The following CPT1A variants were observed in gnomAD, a reference collection of about 807,000 sequenced individuals.
CPT1A encodes carnitine O-palmitoyltransferase 1, liver isoform.
In CPT1A, 64 loss-of-function variants were observed where a neutral mutation model predicts 100.8. That is an observed-to-expected ratio of 0.63 (90% confidence interval 0.52 to 0.78). The LOEUF (loss-of-function observed/expected upper bound fraction) is 0.78, where lower values mean the gene tolerates loss of function less well. Among genes scored for constraint, CPT1A ranks in the 30% least tolerant of loss-of-function variants. The pLI, the probability that CPT1A is intolerant of heterozygous loss-of-function variation, is 0.00. For missense variants in CPT1A, 802 were observed against 1,034.1 expected (o/e 0.78, Z 3.08); for synonymous variants, 363 against 396.0 (o/e 0.92, Z 0.99).
At chr11:68,772,454 G>T (rs895202434) in intron 14 of CPT1A, among the ~76,000 whole-genome samples, 1 of 152,152 alleles carries the variant, frequency 6.6e-6, no homozygotes. Flanking sequence ...CCCTCCAATG[G>T]ACAAGAAGAC....
At position 68,775,414 on chromosome 11, in the gene CPT1A, T is replaced by G; in HGVS notation, c.1477A>C (p.Ser493Arg). ...TCCTCCGCATAGCCCAGCTGGAGGC[T>G]GTCAATGGACATGACGTACTGTCAA... Reference protein sequence around the residue: ...HLWEYVMSIDSLQLGYAEDGH... With the variant: ...HLWEYVMSIDRLQLGYAEDGH... Residue 493 changes from serine to arginine, a missense_variant, in exon 13 of 19, where the codon AGC becomes CGC. Physicochemically the swap from Ser to Arg is moderately radical, Grantham distance 110. Transcript: ENST00000265641. 6.2e-7 allele frequency: 1 copy of G among 1,614,082 alleles called. No individual in the cohort carries two copies. Among genetic ancestry groups the G allele is most frequent in the African/African-American group, 1.3e-5 (1 of 75,076 alleles).
chr11:68,769,530 A>T (rs1293819906), intron 14 of CPT1A, among the ~76,000 whole-genome samples: 1 of 151,306 alleles, frequency 6.6e-6, no homozygotes, highest in Non-Finnish European at 1.5e-5. Flanking sequence ...GGATTATAGG[A>T]CTGAGACCAC....
rs1408443340 is a variant in CPT1A, at chr11:68,810,649, G to A, written c.281+1788C>T. 2.6e-5 allele frequency among the ~76,000 whole-genome samples: 4 copies of A among 152,128 alleles called. No homozygotes were observed. In the East Asian group the frequency reaches 7.7e-4, roughly 29 times the overall value. On this transcript the variant is annotated intron_variant, in intron 3 of 18. Transcript: ENST00000265641. Reference sequence around the variant, plus strand: ...AGGGCACTTGCTCAAGCTGTCATCAGGAGACTCAGACCATTAATCTGCTTA... The same window carrying A: ...AGGGCACTTGCTCAAGCTGTCATCAAGAGACTCAGACCATTAATCTGCTTA...
In CPT1A at chr11:68,804,022, G is replaced by A; in HGVS notation, c.533C>T (p.Ala178Val). The A allele has an allele frequency of 6.2e-7, 1 of 1,614,002 alleles. No homozygotes were observed. Among genetic ancestry groups the A allele is most frequent in the Non-Finnish European group, 8.5e-7 (1 of 1,179,874 alleles). Residue 178 changes from alanine (A) to valine (V), a missense_variant, in exon 5 of 19, where the codon GCT becomes GTT. This residue lies in a region of CPT1A where 627 missense variants were observed against 799.3 expected (regional missense o/e 0.78). Coordinates refer to ENST00000265641, the MANE Select transcript of CPT1A (RefSeq NM_001876.4). ...TACCCTGTTCACAGTGTCTTTGACAGCCGGGACCGGCAGGCGAGGCAGCGA... is the reference window on the plus strand; with the variant it reads ...TACCCTGTTCACAGTGTCTTTGACAACCGGGACCGGCAGGCGAGGCAGCGA... ...QTSLPRLPVPAVKDTVNRYLQ... is the reference protein window; with the variant it reads ...QTSLPRLPVPVVKDTVNRYLQ...
At position 68,841,695 on chromosome 11, in the gene CPT1A, C is replaced by G. The variant is rs962353427; in HGVS notation, c.-14+80G>C. On this transcript the variant is annotated intron_variant, in intron 1 of 18. Coordinates refer to ENST00000265641, the MANE Select transcript of CPT1A (RefSeq NM_001876.4). This position sits in a 1 kb window ranked among gnomAD's most constrained non-coding sequence, Gnocchi z 6.3. Reference sequence around the variant, plus strand: ...CCACCCGGTCCGGTTCCCGGCAGCCCCGCGCCCCGCCCGTCCCCGGCCCCC... The same window carrying G: ...CCACCCGGTCCGGTTCCCGGCAGCCGCGCGCCCCGCCCGTCCCCGGCCCCC... 8.6e-4 allele frequency: 679 copies of G among 793,794 alleles called. 1 individual carries two copies. Among genetic ancestry groups the G allele is most frequent in the Non-Finnish European group, 1.0e-3 (658 of 654,434 alleles). 49.2% of individuals were successfully genotyped at this position (793,794 alleles called of 1,614,324 possible). A position where few individuals can be genotyped will look rare whatever the true frequency, so the allele number is the denominator to read the frequency against.
chr11:68,834,279 A>T (rs147637432), intron 1 of CPT1A, among the ~76,000 whole-genome samples: 2,199 of 152,162 alleles, frequency 0.014, 26 homozygotes, highest in East Asian at 0.045. Flanking sequence ...TCTAGTAAAA[A>T]TACAAAAATT....
At chr11:68,815,552 A>ACTT in intron 1 of CPT1A, 65 bp from the exon 2 acceptor site, 12 of 1,497,594 alleles carry the variant, frequency 8.0e-6, no homozygotes, top group Non-Finnish European at 1.1e-5. Flanking sequence ...AAACCCTCAT[A>ACTT]CAGAAGTGCC....
In CPT1A at chr11:68,841,142, G is replaced by A. The variant is rs1459851331; in HGVS notation, c.-14+633C>T. Among the ~76,000 whole-genome samples the A allele has an allele frequency of 1.3e-5, 2 of 152,240 alleles. No individual in the cohort carries two copies. Among genetic ancestry groups the A allele is most frequent in the Non-Finnish European group, 2.9e-5 (2 of 68,030 alleles). On this transcript the variant is annotated intron_variant, in intron 1 of 18. Coordinates refer to ENST00000265641, the MANE Select transcript of CPT1A (RefSeq NM_001876.4). The surrounding 1 kb of genome is among the most constrained non-coding windows in gnomAD (Gnocchi z 6.3). ...AGACGGACGCTGGGATGGGGTCAGCGGCGCCCTGCCGAATCCCGAGGGCCG... is the reference window on the plus strand; with the variant it reads ...AGACGGACGCTGGGATGGGGTCAGCAGCGCCCTGCCGAATCCCGAGGGCCG...
chr11:68,760,281 G>A lies in CPT1A; in HGVS notation c.2086C>T (p.Leu696=), dbSNP rs753658987. Residue 696 remains leucine, a synonymous_variant, in exon 17 of 19, where the codon CTG becomes TTG. Transcript: ENST00000265641. The stretch of plus-strand genomic sequence containing the variant: ...TCTGGGTTATTCTCCAAGTCAAACA[G>A]CTCCACTTGCTGCTGAGGGGTCTGG... ...TSQTPQQQVE[L]FDLENNPEYV... 6 of 1,612,918 alleles carry A rather than the reference G, an allele frequency of 3.7e-6. No individual in the cohort carries two copies. Among genetic ancestry groups the A allele is most frequent in the Non-Finnish European group, 5.1e-6 (6 of 1,179,748 alleles).
At chr11:68,787,707 C>T (rs550293707) in intron 9 of CPT1A, among the ~76,000 whole-genome samples, 1 of 151,850 alleles carries the variant, frequency 6.6e-6, no homozygotes, top group Non-Finnish European at 1.5e-5. Context: ...TTTGGGAGGC[C>T]GAGGTGGGCA....
chr11:68,804,100 C>A lies in CPT1A; in HGVS notation c.455G>T (p.Gly152Val), dbSNP rs745346695. 1.2e-6 allele frequency: 2 copies of A among 1,610,614 alleles called. No homozygotes were observed. Among genetic ancestry groups the A allele is most frequent in the Admixed American group, 3.3e-5 (2 of 59,994 alleles). ...KMSRATKIWM[G>V]MVKIFSGRKP... is the part of the protein sequence containing the mutation. ...TCGGCCTGAAAAGATCTTGACCATA[C>A]CCTGAAGAGAGAGAATTATATTTTC... Residue 152 changes from glycine (G) to valine (V), a missense_variant and splice_region_variant, in exon 5 of 19, where the codon GGT becomes GTT. Transcript: ENST00000265641.
At chr11:68,803,703 T>C (rs1011964348) in intron 5 of CPT1A, among the ~76,000 whole-genome samples, 34 of 130,142 alleles carry the variant, frequency 2.6e-4, no homozygotes, top group African/African-American at 1.2e-3. Flanking sequence ...AGAGGGAGAG[T>C]CCATCACAAA....
In CPT1A at chr11:68,757,320, C is replaced by T. The variant is rs1365164436; in HGVS notation, c.*324G>A. ...GAGAAAGCACACCATTTCCATTCCA[C>T]TGTGTGTGAAGCCACAACCCTACTA... On this transcript the variant is annotated 3_prime_UTR_variant, in exon 19 of 19. Coordinates refer to ENST00000265641, the MANE Select transcript of CPT1A (RefSeq NM_001876.4). 3 of 1,210,524 alleles carry T rather than the reference C, an allele frequency of 2.5e-6. No homozygotes were observed. In the African/African-American group the frequency reaches 4.6e-5, roughly 19 times the overall value. The allele number at this position is 1,210,524 out of a possible 1,614,324, so 75.0% of individuals were successfully genotyped here. A position where few individuals can be genotyped will look rare whatever the true frequency, so the allele number is the denominator to read the frequency against.
chr11:68,800,971 T>C (rs1364142779), intron 5 of CPT1A, among the ~76,000 whole-genome samples: 3 of 151,616 alleles, frequency 2.0e-5, no homozygotes, highest in Non-Finnish European at 4.4e-5. Context: ...TTTGCAGGCA[T>C]AGTGGTGCAC....
In CPT1A at chr11:68,812,453, G is replaced by A. The variant is rs574346392; in HGVS notation, c.265C>T (p.Arg89Trp). The A allele has an allele frequency of 5.5e-5, 89 of 1,614,176 alleles. No homozygotes were observed. Among genetic ancestry groups the A allele is most frequent in the Middle Eastern group, 4.9e-4 (3 of 6,062 alleles). ...ATTACTTACGCCGTTTCCAGAGTCC[G>A]ATTGATTTTTGCAATTATTCCTAAC... ...PSLGIIAKIN[R>W]TLETANCMSS... is the part of the protein sequence containing the mutation. The change falls in exon 3 of 19, where the codon CGG becomes TGG. Residue 89 changes from arginine (R) to tryptophan (W), a missense_variant. By Grantham distance (101) the Arg-to-Trp change is moderately radical. Coordinates refer to ENST00000265641, the MANE Select transcript of CPT1A (RefSeq NM_001876.4).
intron 3 of CPT1A, 105 bp from the exon 4 acceptor site, chr11:68,807,743 C>A: frequency 8.9e-7 from 1 of 1,123,508 alleles, no homozygotes; most frequent in Non-Finnish European, 1.3e-6. Flanking sequence ...GTCCAGCAGC[C>A]TGCCCCAGGT....
At chr11:68,797,700 AG>A (rs1243846841) in intron 6 of CPT1A, among the ~76,000 whole-genome samples, 2 of 152,108 alleles carry the variant, frequency 1.3e-5, no homozygotes, top group Non-Finnish European at 2.9e-5. Context: ...AACAAAGGCC[AG>A]GAGCGGTGGC....
chr11:68,807,720 C>T, intron 3 of CPT1A, 82 bp from the exon 4 acceptor site: 1 of 1,405,460 alleles, frequency 7.1e-7, no homozygotes, highest in Non-Finnish European at 9.9e-7. Flanking sequence ...CCACAGACAC[C>T]ACGTGCTGCA....
chr11:68,799,341 C>T lies in CPT1A; in HGVS notation c.570G>A (p.Val190=), dbSNP rs770323185. The change falls in exon 6 of 19, where the codon GTG becomes GTA. Residue 190 remains valine, a synonymous_variant. Coordinates refer to ENST00000265641, the MANE Select transcript of CPT1A (RefSeq NM_001876.4). The stretch of plus-strand genomic sequence containing the variant: ...AGTCTTCTTCCTTCATAAGAGGCCT[C>T]ACCGACTGTAGATACTGGGATTATT... ...KDTVNRYLQS[V]RPLMKEEDFK... The T allele has an allele frequency of 1.4e-5, 22 of 1,613,768 alleles. No homozygotes were observed. Among genetic ancestry groups the T allele is most frequent in the Non-Finnish European group, 1.8e-5 (21 of 1,179,898 alleles).
Sources: allele counts gnomAD v4.1 joint callset (sites outside exome capture counted in the v4.1 genomes callset), GRCh38; gene constraint gnomAD v4.1.1; regional missense constraint gnomAD v4.1.1; non-coding constraint Gnocchi (gnomAD v3.1); transcripts MANE v1.5; gene names NCBI Gene and HGNC (gene_info 2026-07-23, HGNC 2026-07-21).